RALGPS1: variants seen among roughly 807,000 people sequenced by gnomAD.
RALGPS1 encodes ras-specific guanine nucleotide-releasing factor RalGPS1.
Under a neutral mutation model 78.8 loss-of-function variants are expected in RALGPS1, and 19 were observed. That is an observed-to-expected ratio of 0.24 (90% CI 0.17 to 0.35). The LOEUF (loss-of-function observed/expected upper bound fraction) is 0.35, where lower values mean the gene tolerates loss of function less well. Among genes scored for constraint, RALGPS1 ranks in the 10% least tolerant of loss-of-function variants. The pLI is 1.00. For missense variants in RALGPS1, 454 were observed against 688.3 expected (o/e 0.66, Z 3.81); for synonymous variants, 228 against 256.3 (o/e 0.89, Z 1.06).
At chr9:127,081,621 C>T (rs1233686326) in intron 8 of RALGPS1, among the ~76,000 whole-genome samples, 1 of 152,258 alleles carries the variant, frequency 6.6e-6, no homozygotes, top group Non-Finnish European at 1.5e-5. Context: ...ACTCCCTCCA[C>T]ATTAACTATC....
At chr9:127,033,374 G>A (rs775521519) in intron 4 of RALGPS1, among the ~76,000 whole-genome samples, 9 of 152,242 alleles carry the variant, frequency 5.9e-5, no homozygotes, top group Non-Finnish European at 1.0e-4. Flanking sequence ...CCCTTCAGAC[G>A]TGACTGCTAG....
At chr9:127,151,821 C>G (rs2058440645) in intron 8 of RALGPS1, among the ~76,000 whole-genome samples, 2 of 152,086 alleles carry the variant, frequency 1.3e-5, no homozygotes, top group Non-Finnish European at 2.9e-5. Context: ...TACATTCTGG[C>G]TAACTACTTG....
At chr9:127,154,992 G>A (rs550626235) in intron 8 of RALGPS1, among the ~76,000 whole-genome samples, 18 of 152,292 alleles carry the variant, frequency 1.2e-4, no homozygotes, top group Non-Finnish European at 1.8e-4. Flanking sequence ...TTCACTGGGG[G>A]AATCATCTTG....
In RALGPS1 at chr9:127,034,461, G is replaced by A. The variant is rs781097829; in HGVS notation, c.247G>A (p.Glu83Lys). ...AGCCAGCTGTGGATGGAGTAAGAAGGAGAAACACAGTCTTGCCCCTAACGT... is the reference window on the plus strand; with the variant it reads ...AGCCAGCTGTGGATGGAGTAAGAAGAAGAAACACAGTCTTGCCCCTAACGT... ...ELASCGWSKK[E>K]KHSLAPNVVA... The change falls in exon 5 of 19, where the codon GAG becomes AAG. Residue 83 changes from glutamate to lysine, a missense_variant. By Grantham distance (56) the Glu-to-Lys change is moderately conservative (BLOSUM62 1). Coordinates refer to ENST00000259351, the MANE Select transcript of RALGPS1 (RefSeq NM_014636.3). 1.9e-6 allele frequency: 3 copies of A among 1,614,138 alleles called. No homozygotes were observed. In the South Asian group the frequency reaches 3.3e-5, roughly 18 times the overall value.
At chr9:127,032,617 A>ATT (rs1351971604) in intron 4 of RALGPS1, among the ~76,000 whole-genome samples, 1 of 152,212 alleles carries the variant, frequency 6.6e-6, no homozygotes, top group East Asian at 1.9e-4. Flanking sequence ...AATAACATAT[A>ATT]TTTGCAAAGT....
chr9:127,001,061 G>T lies in RALGPS1; in HGVS notation c.216+23316G>T, dbSNP rs757581006. ...AGGCTGAGGTGGGTGGGTTGCTTGA[G>T]CCTAACATAGTGAGACTCTGTCTCT... is the stretch of plus-strand genomic sequence containing the variant. On this transcript the variant is annotated intron_variant, in intron 4 of 18. Transcript: ENST00000259351. Among the ~76,000 whole-genome samples the T allele has an allele frequency of 8.6e-5, 13 of 150,354 alleles. 1 individual carries two copies. The highest frequency in any genetic ancestry group is 8.9e-5 in the Non-Finnish European group (6 of 67,460).
intron 1 of RALGPS1, among the ~76,000 whole-genome samples, chr9:126,948,728 A>G (rs1012657722): frequency 4.6e-5 from 7 of 151,682 alleles, no homozygotes; most frequent in Non-Finnish European, 2.9e-5. Context: ...CCGGCCCCCA[A>G]TTCAGCTCCG....
intron 4 of RALGPS1, among the ~76,000 whole-genome samples, chr9:127,010,116 C>T (rs1203268466): frequency 6.6e-6 from 1 of 152,156 alleles, no homozygotes; most frequent in African/African-American, 2.4e-5. Context: ...CCAGGTGAGT[C>T]TGGCAAGCCA....
chr9:127,002,292 A>G lies in RALGPS1; in HGVS notation c.216+24547A>G, dbSNP rs1002036384. On this transcript the variant is annotated intron_variant, in intron 4 of 18. Transcript: ENST00000259351. Reference sequence around the variant, plus strand: ...GATTTATCCTGTTTTTGTGTGTAGCAGGAGTTTTTTTCTTTCTCATTTTTG... The same window carrying G: ...GATTTATCCTGTTTTTGTGTGTAGCGGGAGTTTTTTTCTTTCTCATTTTTG... 7.6e-4 allele frequency among the ~76,000 whole-genome samples: 116 copies of G among 152,156 alleles called. 2 individuals carry two copies. Among genetic ancestry groups the G allele is most frequent in the Non-Finnish European group, 3.1e-4 (21 of 68,032 alleles).
intron 4 of RALGPS1, among the ~76,000 whole-genome samples, chr9:127,007,109 C>G (rs1311421304): frequency 6.6e-6 from 1 of 152,112 alleles, no homozygotes; most frequent in East Asian, 1.9e-4. Flanking sequence ...CTTCTGAGAC[C>G]CAGGAGCAGG....
At chr9:127,202,555 C>T (rs1174673661) in intron 14 of RALGPS1, among the ~76,000 whole-genome samples, 1 of 152,186 alleles carries the variant, frequency 6.6e-6, no homozygotes, top group African/African-American at 2.4e-5. Context: ...TGCTCTTCAT[C>T]CTCCTGTCTC....
At chr9:127,210,897 GTC>G (rs2062214533) in intron 14 of RALGPS1, 2 of 842,806 alleles carry the variant, frequency 2.4e-6, no homozygotes, top group South Asian at 3.5e-5. Context: ...GCCTACATGA[GTC>G]TACTGCCAGG....
At chr9:127,097,721 A>G (rs1050209834) in intron 8 of RALGPS1, among the ~76,000 whole-genome samples, 4 of 152,382 alleles carry the variant, frequency 2.6e-5, no homozygotes, top group South Asian at 2.1e-4. Context: ...TAGCTGTTCC[A>G]TATAAATAAT....
intron 4 of RALGPS1, among the ~76,000 whole-genome samples, chr9:127,002,448 C>CTT (rs376846876): frequency 7.4e-4 from 95 of 127,638 alleles, no homozygotes; most frequent in South Asian, 7.0e-3. Context: ...TTTTTTTTTT[C>CTT]TTTTTTTTTT....
rs773649437 is a variant in RALGPS1 at position 127,218,364 on chromosome 9, C to T, written c.1645-376C>T. Among the ~76,000 whole-genome samples, 7 of 152,152 alleles carry T rather than the reference C, an allele frequency of 4.6e-5. No homozygotes were observed. Among genetic ancestry groups the T allele is most frequent in the Non-Finnish European group, 1.0e-4 (7 of 68,036 alleles). On this transcript the variant is annotated intron_variant, in intron 18 of 18. Coordinates refer to ENST00000259351, the MANE Select transcript of RALGPS1 (RefSeq NM_014636.3). The surrounding 1 kb of genome is among the most constrained non-coding windows in gnomAD (Gnocchi z 4.4). Reference sequence around the variant, plus strand: ...TCAGGATTTGTCTCTCTGCCCCAAGCGCAGTTTGATTTTCACTGAAGGAGA... The same window carrying T: ...TCAGGATTTGTCTCTCTGCCCCAAGTGCAGTTTGATTTTCACTGAAGGAGA...
chr9:127,210,557 G>C (rs2062187310), intron 14 of RALGPS1: 1 of 647,654 alleles, frequency 1.5e-6, no homozygotes, highest in Non-Finnish European at 2.7e-6. Context: ...GGAGGCTGGG[G>C]AGGAGTTGGG....
intron 14 of RALGPS1, among the ~76,000 whole-genome samples, chr9:127,203,739 G>A (rs1322518402): frequency 6.6e-6 from 1 of 152,198 alleles, no homozygotes; most frequent in East Asian, 1.9e-4. Context: ...GATCCAACAG[G>A]GCGACCTGCA....
At chr9:126,919,989 T>C (rs2034587163) in intron 1 of RALGPS1, among the ~76,000 whole-genome samples, 1 of 152,152 alleles carries the variant, frequency 6.6e-6, no homozygotes, top group Non-Finnish European at 1.5e-5. Flanking sequence ...ACTTAATTTT[T>C]CCAGGCACCC....
At chr9:127,105,926 CTTG>C (rs1414772279) in intron 8 of RALGPS1, among the ~76,000 whole-genome samples, 1 of 152,196 alleles carries the variant, frequency 6.6e-6, no homozygotes, top group African/African-American at 2.4e-5. Context: ...ATGTTTCATG[CTTG>C]ATTGTATTGT....
Sources: gnomAD v4.1 joint callset for allele counts (sites outside exome capture counted in the v4.1 genomes callset) on GRCh38, gnomAD v4.1.1 for gene constraint, Gnocchi (gnomAD v3.1) non-coding constraint, MANE v1.5 for transcripts, NCBI Gene and HGNC (gene_info 2026-07-23, HGNC 2026-07-21) for gene names.